EEA1: variants seen among roughly 807,000 people sequenced by gnomAD.
EEA1 encodes the protein early endosome antigen 1.
In EEA1, 111 loss-of-function variants were observed where a neutral mutation model predicts 209.2. The ratio of observed to expected loss-of-function variants is 0.53; its 90% confidence interval spans 0.45 to 0.62. EEA1 has a LOEUF of 0.62. Among genes scored for constraint, EEA1 ranks in the 20% least tolerant of loss-of-function variants. The pLI, the probability that EEA1 is intolerant of heterozygous loss-of-function variation, is 0.00. For synonymous variants in EEA1, 536 were observed against 540.6 expected, an observed-to-expected ratio of 0.99 and a Z score of 0.12; for missense variants, 1,343 against 1,530.8, an observed-to-expected ratio of 0.88 and a Z score of 2.05.
chr12:92,848,558 C>A (rs1191858212), intron 9 of EEA1, among the ~76,000 whole-genome samples: 2 of 151,816 alleles, frequency 1.3e-5, no homozygotes, highest in Non-Finnish European at 1.5e-5. Flanking sequence ...GTATTTTAAT[C>A]TACAATAGAA....
chr12:92,892,878 C>T (rs574485354), intron 1 of EEA1, among the ~76,000 whole-genome samples: 21 of 152,310 alleles, frequency 1.4e-4, no homozygotes, highest in African/African-American at 5.1e-4. Flanking sequence ...GATCCCCCCA[C>T]CTTGGCCTCC....
At chr12:92,785,646 T>C (rs1376941987) in intron 22 of EEA1, among the ~76,000 whole-genome samples, 1 of 152,194 alleles carries the variant, frequency 6.6e-6, no homozygotes, top group Non-Finnish European at 1.5e-5. Context: ...TAAAAAATTA[T>C]AGTGAAATGA....
At chr12:92,789,864 C>T (rs1048877079) in intron 21 of EEA1, among the ~76,000 whole-genome samples, 1 of 152,212 alleles carries the variant, frequency 6.6e-6, no homozygotes, top group Non-Finnish European at 1.5e-5. Context: ...AGACACCTCC[C>T]AATAGGGGCC....
chr12:92,797,260 G>C (rs1592707105), intron 21 of EEA1, among the ~76,000 whole-genome samples: 1 of 152,046 alleles, frequency 6.6e-6, no homozygotes, highest in African/African-American at 2.4e-5. Flanking sequence ...GCTAATTTTT[G>C]TATTTTTAGT....
At chr12:92,906,245 C>G (rs1047589948) in intron 1 of EEA1, among the ~76,000 whole-genome samples, 3 of 151,952 alleles carry the variant, frequency 2.0e-5, no homozygotes, top group Non-Finnish European at 4.4e-5. Context: ...GCACATGCCA[C>G]CACACCTGAC....
At position 92,816,291 on chromosome 12, in the gene EEA1, T is replaced by C; in HGVS notation, c.1838A>G (p.Gln613Arg). The C allele has an allele frequency of 6.2e-7, 1 of 1,614,052 alleles. No homozygotes were observed. Among genetic ancestry groups the C allele is most frequent in the South Asian group, 1.1e-5 (1 of 91,088 alleles). The change falls in exon 15 of 29, where the codon CAA (glutamine) becomes CGA (arginine). Residue 613 changes from glutamine to arginine, a missense_variant. By Grantham distance (43) the Gln-to-Arg change is conservative (BLOSUM62 1). Around this residue, in one of 3 missense-constraint regions of EEA1, gnomAD observed 1,307 missense variants for 1,465.5 expected, o/e 0.89. Coordinates refer to ENST00000322349, the MANE Select transcript of EEA1 (RefSeq NM_003566.4). ...QEQKAHLRAAQDRVLSLETSV... is the reference protein window; with the variant it reads ...QEQKAHLRAARDRVLSLETSV... ...AGTTTCTAGGGAAAGGACACGGTCT[T>C]GTGCAGCTCTAAGATGTGCCTTCTG...
At chr12:92,814,810 A>G (rs1489753515) in intron 15 of EEA1, among the ~76,000 whole-genome samples, 1 of 152,182 alleles carries the variant, frequency 6.6e-6, no homozygotes, top group Non-Finnish European at 1.5e-5. Flanking sequence ...ACAAGGAAGT[A>G]CCGTGGAAGT....
At chr12:92,797,348 A>G (rs1468832227) in intron 21 of EEA1, among the ~76,000 whole-genome samples, 1 of 152,150 alleles carries the variant, frequency 6.6e-6, no homozygotes, top group African/African-American at 2.4e-5. Flanking sequence ...TCAGCCTCCC[A>G]AAGTGCTGGG....
rs1313683362 is a variant in EEA1 at position 92,827,957 on chromosome 12, T to C, written c.1359A>G (p.Gln453=). The part of the protein sequence containing the change: ...LSSEKLMDKE[Q]QVADLQLKLS... ...GTTTGAGTTGTAAATCAGCCACTTGTTGTTCTTTATCCATCAACTTTTCAC... is the reference window on the plus strand; with the variant it reads ...GTTTGAGTTGTAAATCAGCCACTTGCTGTTCTTTATCCATCAACTTTTCAC... The change falls in exon 12 of 29, where the codon CAA becomes CAG. Residue 453 remains glutamine, a synonymous_variant. Transcript: ENST00000322349. The C allele has an allele frequency of 6.3e-7, 1 of 1,596,970 alleles. No individual in the cohort carries two copies. The highest frequency in any genetic ancestry group is 8.5e-7 in the Non-Finnish European group (1 of 1,173,492).
At position 92,827,121 on chromosome 12, in the gene EEA1, C is replaced by T. The variant is rs144686084; in HGVS notation, c.1404+791G>A. Among the ~76,000 whole-genome samples, 1,201 of 152,082 alleles carry T rather than the reference C, an allele frequency of 7.9e-3. 10 individuals carry two copies. The highest frequency in any genetic ancestry group is 0.01 in the Middle Eastern group (3 of 294). ...CCGTAATCCCAGCACTTTGGGAGGCCGAGGCAGGCAAATCACTTGAGGTCA... is the reference window on the plus strand; with the variant it reads ...CCGTAATCCCAGCACTTTGGGAGGCTGAGGCAGGCAAATCACTTGAGGTCA... On this transcript the variant is annotated intron_variant, in intron 12 of 28. Transcript: ENST00000322349.
intron 7 of EEA1, 98 bp from the exon 8 acceptor site, chr12:92,852,394 A>T: frequency 1.4e-6 from 1 of 720,706 alleles, no homozygotes; most frequent in Non-Finnish European, 2.0e-6. Flanking sequence ...CTCTAATTCA[A>T]ATTCACATTC....
At chr12:92,856,059 C>A (rs1877865631) in intron 5 of EEA1, among the ~76,000 whole-genome samples, 1 of 152,080 alleles carries the variant, frequency 6.6e-6, no homozygotes, top group African/African-American at 2.4e-5. Flanking sequence ...CTTTTTCAGT[C>A]CAACTGCCAA....
Position 92,781,964 on chromosome 12 carries a change from T to C in EEA1, c.3322A>G (p.Ile1108Val). The C allele has an allele frequency of 1.2e-6, 2 of 1,605,898 alleles. No homozygotes were observed. The highest frequency in any genetic ancestry group is 1.7e-6 in the Non-Finnish European group (2 of 1,175,504). ...LQERCKALQD[I>V]QKEKSLKEKE... ...ACATGCAATACCTTTTCTTTCTGAA[T>C]GTCTTGTAGTGCTTTACATCGCTCC... The change falls in exon 23 of 29, where the codon ATT becomes GTT. Residue 1108 changes from isoleucine (I) to valine (V), a missense_variant. Physicochemically the swap from Ile to Val is conservative, Grantham distance 29 (BLOSUM62 3). This residue lies in a region of EEA1 where 1,307 missense variants were observed against 1,465.5 expected (regional missense o/e 0.89). Coordinates refer to ENST00000322349, the MANE Select transcript of EEA1 (RefSeq NM_003566.4).
At chr12:92,846,991 G>A (rs1489168431) in intron 9 of EEA1, among the ~76,000 whole-genome samples, 1 of 151,992 alleles carries the variant, frequency 6.6e-6, no homozygotes, top group African/African-American at 2.4e-5. Context: ...TCACTCTGCT[G>A]CCCAGGTTCG....
chr12:92,886,025 A>C (rs914927874), intron 2 of EEA1, among the ~76,000 whole-genome samples: 3 of 152,170 alleles, frequency 2.0e-5, no homozygotes, highest in African/African-American at 7.2e-5. Context: ...CATCCAACAG[A>C]AAGAACTGGC....
intron 8 of EEA1, 127 bp from the exon 9 acceptor site, chr12:92,851,393 A>G: frequency 2.3e-6 from 2 of 870,500 alleles, no homozygotes; most frequent in Non-Finnish European, 3.5e-6. Flanking sequence ...TAGACTTCAA[A>G]CATTGAACAC....
At position 92,924,520 on chromosome 12, in the gene EEA1, A is replaced by G. The variant is rs1881135875; in HGVS notation, c.24+4523T>C. Among the ~76,000 whole-genome samples the G allele has an allele frequency of 3.3e-5, 5 of 152,144 alleles. No individual in the cohort carries two copies. In the South Asian group the frequency reaches 1.0e-3, roughly 32 times the overall value. ...CACCGCGCCTGGCTGAGACTTTTATACATATTAGTTATCTAGTTCTCAACT... is the reference window on the plus strand; with the variant it reads ...CACCGCGCCTGGCTGAGACTTTTATGCATATTAGTTATCTAGTTCTCAACT... On this transcript the variant is annotated intron_variant, in intron 1 of 28. Coordinates refer to ENST00000322349, the MANE Select transcript of EEA1 (RefSeq NM_003566.4).
At chr12:92,799,166 T>C in intron 20 of EEA1, 80 bp from the exon 21 acceptor site, 1 of 1,209,338 alleles carries the variant, frequency 8.3e-7, no homozygotes, top group Non-Finnish European at 1.1e-6. Flanking sequence ...AAAAAAAATC[T>C]ATTTAGCCTT....
rs1874972457 is a variant in EEA1 at position 92,802,554 on chromosome 12, T to A, written c.2520A>T (p.Glu840Asp). ...LNNRIQTTVTELQKVKMEKEA... is the reference protein window; with the variant it reads ...LNNRIQTTVTDLQKVKMEKEA... The stretch of plus-strand genomic sequence containing the variant: ...CTTTCTCCATTTTCACTTTTTGTAG[T>A]TCTGTTACTGTTGTTTGAATTCTGT... Residue 840 changes from glutamate (E) to aspartate (D), a missense_variant, in exon 19 of 29, where the codon GAA (glutamate) becomes GAT (aspartate). Glu to Asp is a conservative substitution (Grantham distance 45). This residue lies in a region of EEA1 where 1,307 missense variants were observed against 1,465.5 expected (regional missense o/e 0.89). Transcript: ENST00000322349. 2 of 1,602,672 alleles carry A rather than the reference T, an allele frequency of 1.2e-6. No individual in the cohort carries two copies. Among genetic ancestry groups the A allele is most frequent in the Non-Finnish European group, 1.7e-6 (2 of 1,176,466 alleles).
Sources: allele counts gnomAD v4.1 joint callset (sites outside exome capture counted in the v4.1 genomes callset), GRCh38; gene constraint gnomAD v4.1.1; regional missense constraint gnomAD v4.1.1; transcripts MANE v1.5; gene names NCBI Gene and HGNC (gene_info 2026-07-23, HGNC 2026-07-21).